SLC24A2: variants seen among roughly 807,000 people sequenced by gnomAD.
SLC24A2 encodes solute carrier family 24 member 2, also known as sodium/potassium/calcium exchanger 2.
In SLC24A2, 36 loss-of-function variants were observed where a neutral mutation model predicts 62.0. The observed-to-expected ratio is 0.58, with a 90% CI of 0.44 to 0.77. The LOEUF is 0.77. Among genes scored for constraint, SLC24A2 ranks in the 30% least tolerant of loss-of-function variants. SLC24A2 has a pLI of 0.00. For missense variants in SLC24A2, 846 were observed against 817.9 expected (o/e 1.03, Z -0.42); for synonymous variants, 358 against 294.0 (o/e 1.22, Z -2.23).
the SLC24A2 span, among the ~76,000 whole-genome samples, chr9:19,885,563 G>A: frequency 4.6e-5 from 7 of 152,124 alleles, no homozygotes; most frequent in Non-Finnish European, 1.0e-4. Context: ...GTGGTGTAGT[G>A]GTAACTAAGC....
chr9:19,953,534 G>A, the SLC24A2 span, among the ~76,000 whole-genome samples: 1 of 151,906 alleles, frequency 6.6e-6, no homozygotes, highest in African/African-American at 2.4e-5. Context: ...ATTCTCAGAC[G>A]TTTTTATGTT....
intron 2 of SLC24A2, among the ~76,000 whole-genome samples, chr9:19,718,522 G>A (rs1383670451): frequency 1.4e-5 from 2 of 145,334 alleles, no homozygotes; most frequent in African/African-American, 2.6e-5. Flanking sequence ...TGTTGCCCAG[G>A]CTGGTCTCGA....
intron 7 of SLC24A2, among the ~76,000 whole-genome samples, chr9:19,571,751 T>G (rs1324501891): frequency 6.6e-6 from 1 of 152,202 alleles, no homozygotes; most frequent in African/African-American, 2.4e-5. Flanking sequence ...AGTTTGGGGC[T>G]CCAGGTCTTA....
intron 2 of SLC24A2, among the ~76,000 whole-genome samples, chr9:19,761,467 T>TTTTA (rs147911890): frequency 0.01 from 1,505 of 150,294 alleles, 31 homozygotes; most frequent in African/African-American, 0.034. Flanking sequence ...TTTTTTAATT[T>TTTTA]TTTTATTTTA....
At chr9:19,902,542 C>A in the SLC24A2 span, among the ~76,000 whole-genome samples, 1 of 152,046 alleles carries the variant, frequency 6.6e-6, no homozygotes, top group African/African-American at 2.4e-5. Context: ...CATCAATAAC[C>A]GAAGCACCAG....
chr9:19,562,648 G>A (rs562964712), intron 7 of SLC24A2, among the ~76,000 whole-genome samples: 68 of 152,126 alleles, frequency 4.5e-4, no homozygotes, highest in African/African-American at 1.4e-3. Flanking sequence ...ACAGATGACA[G>A]AAAAAAAATT....
chr9:19,573,459 C>G lies in SLC24A2; in HGVS notation c.1239G>C (p.Glu413Asp), dbSNP rs775977653. 1.2e-5 allele frequency: 19 copies of G among 1,597,204 alleles called. No individual in the cohort carries two copies. In the Middle Eastern group the frequency reaches 5.0e-4, roughly 42 times the overall value. Residue 413 changes from glutamate (E) to aspartate (D), a missense_variant, in exon 7 of 11, where the codon GAG becomes GAC. Physicochemically the swap from Glu to Asp is conservative, Grantham distance 45. Coordinates refer to ENST00000341998, the MANE Select transcript of SLC24A2 (RefSeq NM_020344.4). ...CATCTGTGCTGGTGCTGTTTGGAAG[C>G]TCAATTTTTTCTGTGATATAATTTA... The part of the protein sequence containing the change: ...NGAANHVEKI[E>D]LPNSTSTDVE...
chr9:20,159,739 G>A, the SLC24A2 span, among the ~76,000 whole-genome samples: 2 of 151,374 alleles, frequency 1.3e-5, no homozygotes, highest in Non-Finnish European at 3.0e-5. Flanking sequence ...TAAAAATGGT[G>A]ACTAAAGACA....
intron 7 of SLC24A2, among the ~76,000 whole-genome samples, chr9:19,558,590 T>C (rs1331108472): frequency 1.3e-5 from 2 of 152,158 alleles, no homozygotes; most frequent in Admixed American, 1.3e-4. Context: ...AGAAGATGGA[T>C]TAAGCCCTTT....
At chr9:19,715,915 T>C (rs189972224) in intron 2 of SLC24A2, among the ~76,000 whole-genome samples, 8 of 152,298 alleles carry the variant, frequency 5.3e-5, no homozygotes, top group East Asian at 1.9e-4. Flanking sequence ...TGTTTTGAAG[T>C]GGGGGAGAAG....
At chr9:19,678,880 G>A (rs1819632522) in intron 2 of SLC24A2, among the ~76,000 whole-genome samples, 1 of 152,216 alleles carries the variant, frequency 6.6e-6, no homozygotes, top group Non-Finnish European at 1.5e-5. Context: ...TGTGTAAAAT[G>A]TGGAGTTGTG....
chr9:19,950,395 G>A, the SLC24A2 span, among the ~76,000 whole-genome samples: 1 of 152,084 alleles, frequency 6.6e-6, no homozygotes, highest in Non-Finnish European at 1.5e-5. Flanking sequence ...AATCTGTCCA[G>A]GGCCAGCAAG....
the SLC24A2 span, among the ~76,000 whole-genome samples, chr9:19,966,173 T>C: frequency 1.4e-4 from 22 of 152,284 alleles, no homozygotes; most frequent in African/African-American, 5.3e-4. Context: ...CATATAGCAT[T>C]TTGGTAAATG....
chr9:20,213,446 T>C, the SLC24A2 span, among the ~76,000 whole-genome samples: 1 of 148,706 alleles, frequency 6.7e-6, no homozygotes, highest in Non-Finnish European at 1.5e-5. Flanking sequence ...TAAGAAAAAC[T>C]GATACAAGGG....
chr9:20,077,576 C>A, the SLC24A2 span, among the ~76,000 whole-genome samples: 3 of 152,190 alleles, frequency 2.0e-5, no homozygotes, highest in Admixed American at 2.0e-4. Flanking sequence ...CTGCTACTGG[C>A]TGCCCCCAGC....
upstream of SLC24A2, among the ~76,000 whole-genome samples, chr9:19,790,068 C>G (rs965433757): frequency 1.6e-4 from 24 of 151,594 alleles, no homozygotes; most frequent in African/African-American, 5.6e-4. Context: ...CCCCCACCCC[C>G]CAATCAAAGC....
chr9:19,850,984 T>C, the SLC24A2 span, among the ~76,000 whole-genome samples: 204 of 30,414 alleles, frequency 6.7e-3, 13 homozygotes, highest in African/African-American at 0.02. Flanking sequence ...TATATATATA[T>C]GTATATATAT....
Position 19,636,315 on chromosome 9 carries a change from T to TTTTCTTTTCTTTTCCTTTCTTTCTTTC in SLC24A2, c.931-14017_931-14016insGAAAGAAAGAAAGGAAAAGAAAAGAAA. ...TTTTCTTTTCTTTTCTTTTCTTTTC[T>TTTTCTTTTCTTTTCCTTTCTTTCTTTC]TTTCTTTCTTTCTTTCTTTCTTTCT... is the stretch of plus-strand genomic sequence containing the variant. On this transcript the variant is annotated intron_variant, in intron 2 of 10. Transcript: ENST00000341998. Among the ~76,000 whole-genome samples the TTTTCTTTTCTTTTCCTTTCTTTCTTTC allele has an allele frequency of 5.0e-4, 20 of 40,322 alleles. 1 individual carries two copies. Among genetic ancestry groups the TTTTCTTTTCTTTTCCTTTCTTTCTTTC allele is most frequent in the Non-Finnish European group, 6.6e-4 (14 of 21,294 alleles). 26.5% of individuals were successfully genotyped at this position (40,322 alleles called of 152,430 possible). A position where few individuals can be genotyped will look rare whatever the true frequency, so the allele number is the denominator to read the frequency against.
At chr9:20,056,805 C>T in the SLC24A2 span, among the ~76,000 whole-genome samples, 22,926 of 152,146 alleles carry the variant, frequency 0.15, 1,892 homozygotes, top group African/African-American at 0.23. Flanking sequence ...AGCAATGTAA[C>T]ATGAGGGAAA....
Sources: gnomAD v4.1 joint callset for allele counts (sites outside exome capture counted in the v4.1 genomes callset) on GRCh38, gnomAD v4.1.1 for gene constraint, MANE v1.5 for transcripts, NCBI Gene and HGNC (gene_info 2026-07-23, HGNC 2026-07-21) for gene names.